The following LTBP1 variants were observed in gnomAD, a reference collection of about 807,000 sequenced individuals.
LTBP1 encodes latent-transforming growth factor beta-binding protein 1.
A neutral mutation model predicts 207.6 loss-of-function variants in LTBP1; 129 were observed. That is an observed-to-expected ratio of 0.62 (90% CI 0.54 to 0.72). The LOEUF (loss-of-function observed/expected upper bound fraction) is 0.72. Among genes scored for constraint, LTBP1 ranks in the 30% least tolerant of loss-of-function variants. LTBP1 has a pLI of 0.00. For missense variants in LTBP1, 2,281 were observed against 2,217.2 expected (o/e 1.03, Z -0.58); for synonymous variants, 963 against 833.7 (o/e 1.16, Z -2.67).
chr2:33,170,354 C>T (rs1186932783), intron 5 of LTBP1, among the ~76,000 whole-genome samples: 1 of 142,650 alleles, frequency 7.0e-6, no homozygotes, highest in African/African-American at 2.6e-5. Context: ...GAGATTATAT[C>T]CCGCACCTGG....
At chr2:33,378,673 T>C (rs1280322630) in intron 31 of LTBP1, among the ~76,000 whole-genome samples, 1 of 152,200 alleles carries the variant, frequency 6.6e-6, no homozygotes, top group Non-Finnish European at 1.5e-5. Context: ...TAAGCACTGT[T>C]CTAAGTTTGA....
chr2:33,044,902 A>ATG (rs2076372414), intron 3 of LTBP1, among the ~76,000 whole-genome samples: 1 of 152,074 alleles, frequency 6.6e-6, no homozygotes, highest in African/African-American at 2.4e-5. Flanking sequence ...GGCCGCATGA[A>ATG]TGTCTTCTTT....
intron 9 of LTBP1, among the ~76,000 whole-genome samples, chr2:33,240,136 T>C (rs143814113): frequency 1.8e-4 from 27 of 152,318 alleles, no homozygotes; most frequent in Non-Finnish European, 3.4e-4. Flanking sequence ...CTGAATAGAA[T>C]TACGGTTTAC....
intron 7 of LTBP1, among the ~76,000 whole-genome samples, chr2:33,196,790 G>T (rs940900852): frequency 6.6e-6 from 1 of 152,118 alleles, no homozygotes; most frequent in South Asian, 2.1e-4. Flanking sequence ...TATTAGGAAG[G>T]GTGTACTCTT....
At chr2:33,184,004 G>C (rs1331736857) in intron 5 of LTBP1, among the ~76,000 whole-genome samples, 3 of 151,900 alleles carry the variant, frequency 2.0e-5, no homozygotes, top group Non-Finnish European at 4.4e-5. Flanking sequence ...CCTCTTCCTT[G>C]GCCTGCTCTT....
chr2:33,379,505 C>T (rs1243555082), intron 31 of LTBP1, among the ~76,000 whole-genome samples: 12 of 152,156 alleles, frequency 7.9e-5, no homozygotes, highest in East Asian at 1.9e-4. Context: ...CCACCGTGCC[C>T]GGCCCTGCCA....
chr2:33,044,747 T>C (rs1395725282), intron 3 of LTBP1, among the ~76,000 whole-genome samples: 2 of 152,208 alleles, frequency 1.3e-5, no homozygotes, highest in Non-Finnish European at 2.9e-5. Flanking sequence ...AAAATGTTCC[T>C]ATTTCTCCAC....
intron 7 of LTBP1, among the ~76,000 whole-genome samples, chr2:33,195,949 G>A (rs2088501876): frequency 6.6e-6 from 1 of 152,068 alleles, no homozygotes; most frequent in African/African-American, 2.4e-5. Context: ...CAGCAAAAAG[G>A]TTATGACTCA....
chr2:33,225,451 T>G (rs1284023029), intron 9 of LTBP1, among the ~76,000 whole-genome samples: 1 of 152,208 alleles, frequency 6.6e-6, no homozygotes, highest in Non-Finnish European at 1.5e-5. Context: ...CTCACAATCA[T>G]GGTGGAAGCC....
chr2:33,315,897 A>C (rs769899356), intron 24 of LTBP1, among the ~76,000 whole-genome samples: 20 of 152,192 alleles, frequency 1.3e-4, no homozygotes, highest in Non-Finnish European at 2.8e-4. Context: ...AGATGGCACC[A>C]TTGCACTCCA....
In LTBP1 at chr2:33,399,177, C is replaced by G. The variant is rs1175403315; in HGVS notation, c.*632C>G. The G allele has an allele frequency of 6.6e-6, 1 of 152,472 alleles. No homozygotes were observed. The highest frequency in any genetic ancestry group is 1.5e-5 in the Non-Finnish European group (1 of 68,040). 9.4% of individuals were successfully genotyped at this position (152,472 alleles called of 1,614,324 possible). On this transcript the variant is annotated 3_prime_UTR_variant, in exon 34 of 34. Coordinates refer to ENST00000404816, the MANE Select transcript of LTBP1 (RefSeq NM_206943.4). ...TCAGTGTTTTGTCTGATTTTAATGTCCGTTCTTAGCCAAGCTGCTAGCAGG... is the reference window on the plus strand; with the variant it reads ...TCAGTGTTTTGTCTGATTTTAATGTGCGTTCTTAGCCAAGCTGCTAGCAGG...
At chr2:33,158,029 G>A (rs1290256234) in intron 5 of LTBP1, among the ~76,000 whole-genome samples, 1 of 151,902 alleles carries the variant, frequency 6.6e-6, no homozygotes, top group Non-Finnish European at 1.5e-5. Context: ...CCAGCTACTT[G>A]GGAGGCTGAG....
chr2:33,390,823 C>T (rs1374297664), intron 32 of LTBP1, among the ~76,000 whole-genome samples: 5 of 152,064 alleles, frequency 3.3e-5, no homozygotes, highest in South Asian at 2.1e-4. Context: ...TGCTGCCGAC[C>T]GAGGAGTTTG....
chr2:33,127,202 G>A (rs2081481989), intron 4 of LTBP1, among the ~76,000 whole-genome samples: 1 of 152,040 alleles, frequency 6.6e-6, no homozygotes, highest in Non-Finnish European at 1.5e-5. Context: ...GGAGGTTTTG[G>A]TTTTCTTCTC....
chr2:33,022,204 A>G (rs923729775), intron 3 of LTBP1, among the ~76,000 whole-genome samples: 4 of 149,850 alleles, frequency 2.7e-5, no homozygotes, highest in African/African-American at 9.8e-5. Flanking sequence ...CTTCGAATAG[A>G]CCACCTACTG....
intron 4 of LTBP1, among the ~76,000 whole-genome samples, chr2:33,116,164 A>G (rs2080734885): frequency 6.6e-6 from 1 of 152,224 alleles, no homozygotes; most frequent in Non-Finnish European, 1.5e-5. Flanking sequence ...AAGAACTAAA[A>G]GATTAGCGAA....
At chr2:33,155,422 T>G (rs139271138) in intron 5 of LTBP1, among the ~76,000 whole-genome samples, 1 of 152,234 alleles carries the variant, frequency 6.6e-6, no homozygotes, top group Non-Finnish European at 1.5e-5. Flanking sequence ...GATTGGAGTT[T>G]AAGTTGCATT....
intron 26 of LTBP1, among the ~76,000 whole-genome samples, chr2:33,354,285 AG>A (rs1429040185): frequency 6.6e-6 from 1 of 152,198 alleles, no homozygotes; most frequent in African/African-American, 2.4e-5. Flanking sequence ...TAACATTGAA[AG>A]ACTTATAAAA....
intron 31 of LTBP1, among the ~76,000 whole-genome samples, chr2:33,367,360 T>A (rs1405635729): frequency 6.6e-6 from 1 of 152,228 alleles, no homozygotes; most frequent in African/African-American, 2.4e-5. Flanking sequence ...AATTTTTTTA[T>A]ATTGATATAT....
Sources: allele counts gnomAD v4.1 joint callset (sites outside exome capture counted in the v4.1 genomes callset), GRCh38; gene constraint gnomAD v4.1.1; transcripts MANE v1.5; gene names NCBI Gene and HGNC (gene_info 2026-07-23, HGNC 2026-07-21).